Variants in PARP11 observed in about 807,000 individuals in gnomAD.
PARP11 encodes the protein poly(ADP-ribose) polymerase family member 11, also known as protein mono-ADP-ribosyltransferase PARP11.
A neutral mutation model predicts 42.9 loss-of-function variants in PARP11; 31 were observed. The observed-to-expected ratio is 0.72, with a 90% CI of 0.54 to 0.98. PARP11 has a LOEUF of 0.98. Ranked by LOEUF, PARP11 falls within the 50% of genes least tolerant of loss-of-function variation. The pLI is 0.00. For synonymous variants in PARP11, 137 were observed against 127.3 expected (o/e 1.08, Z -0.51); for missense variants, 365 against 413.1 (o/e 0.88, Z 1.01).
chr12:3,865,232 C>T (rs1948370252), intron 1 of PARP11, among the ~76,000 whole-genome samples: 1 of 152,116 alleles, frequency 6.6e-6, no homozygotes, highest in Non-Finnish European at 1.5e-5. Flanking sequence ...GACTTCAATT[C>T]TTTCAAATGT....
intron 3 of PARP11, 142 bp from the exon 4 acceptor site, chr12:3,826,375 A>G: frequency 3.8e-6 from 2 of 532,280 alleles, no homozygotes; most frequent in Non-Finnish European, 6.6e-6. Flanking sequence ...TATTATGGGT[A>G]CTTTACCATG....
Position 3,826,192 on chromosome 12 carries a change from T to C in PARP11, c.310A>G (p.Ile104Val), listed in dbSNP as rs749068267. The part of the protein sequence containing the change: ...MNLTTGKQRL[I>V]KRAPFSISAF... ...CTGATAGAAAAGGGGGCTCTTTTTA[T>C]TAAGCGCTGCTTTCCAGTGGTGAGA... Residue 104 changes from isoleucine to valine, a missense_variant, in exon 4 of 8, where the codon ATA (isoleucine) becomes GTA (valine). By Grantham distance (29) the Ile-to-Val change is conservative. Transcript: ENST00000228820. The C allele has an allele frequency of 1.2e-6, 2 of 1,600,374 alleles. No homozygotes were observed. The highest frequency in any genetic ancestry group is 1.8e-5 in the Admixed American group (1 of 55,936).
intron 1 of PARP11, among the ~76,000 whole-genome samples, chr12:3,870,699 AAC>A (rs1314701515): frequency 1.3e-5 from 2 of 152,210 alleles, no homozygotes; most frequent in African/African-American, 2.4e-5. Flanking sequence ...TAGGAAAAAT[AAC>A]AGAGAAAAAC....
At chr12:3,872,919 C>T in intron 1 of PARP11, 1 of 368,130 alleles carries the variant, frequency 2.7e-6, no homozygotes, top group Non-Finnish European at 3.8e-6. Context: ...GTGCGAGACT[C>T]CGTCTCAAAA....
rs1029211751 is a variant in PARP11 at position 3,839,913 on chromosome 12, A to C, written c.19-9895T>G. The C allele has an allele frequency of 1.6e-4, 176 of 1,080,868 alleles. No individual in the cohort carries two copies. The South Asian group carries it at 2.1e-3, about 13-fold the overall frequency. 67.0% of individuals were successfully genotyped at this position (1,080,868 alleles called of 1,614,324 possible). Reference sequence around the variant, plus strand: ...AAGACAACAGTGAAATATCAGATTCAGAGGATGACAGCTGCAAGAGTAAAA... The same window carrying C: ...AAGACAACAGTGAAATATCAGATTCCGAGGATGACAGCTGCAAGAGTAAAA... On this transcript the variant is annotated intron_variant, in intron 1 of 7. Transcript: ENST00000228820.
At chr12:3,854,183 G>A (rs1485345512) in intron 1 of PARP11, among the ~76,000 whole-genome samples, 2 of 152,110 alleles carry the variant, frequency 1.3e-5, no homozygotes, top group Non-Finnish European at 2.9e-5. Flanking sequence ...AGAGAAAGCA[G>A]GAAAGATCTA....
intron 1 of PARP11, among the ~76,000 whole-genome samples, chr12:3,857,902 T>C (rs1948220946): frequency 1.3e-5 from 2 of 152,308 alleles, no homozygotes; most frequent in Non-Finnish European, 2.9e-5. Context: ...AGGGTAAATA[T>C]AAAAATATAT....
chr12:3,850,646 T>G lies in PARP11; in HGVS notation c.19-20628A>C, dbSNP rs191487416. On this transcript the variant is annotated intron_variant, in intron 1 of 7. Transcript: ENST00000228820. Reference sequence around the variant, plus strand: ...CCAATATCTATGTGCATTACTGTGTTTTTTTCTTATTCTCTGCTCTGCAGT... The same window carrying G: ...CCAATATCTATGTGCATTACTGTGTGTTTTTCTTATTCTCTGCTCTGCAGT... Among the ~76,000 whole-genome samples, 42 of 152,292 alleles carry G rather than the reference T, an allele frequency of 2.8e-4. 1 individual carries two copies. Among genetic ancestry groups the G allele is most frequent in the Admixed American group, 1.1e-3 (17 of 15,300 alleles).
chr12:3,853,374 TG>T (rs1460894710), intron 1 of PARP11, among the ~76,000 whole-genome samples: 1 of 152,194 alleles, frequency 6.6e-6, no homozygotes, highest in African/African-American at 2.4e-5. Context: ...ATCAGTGTGC[TG>T]CATTCAGGAG....
At chr12:3,851,662 G>C (rs953850756) in intron 1 of PARP11, among the ~76,000 whole-genome samples, 2 of 152,234 alleles carry the variant, frequency 1.3e-5, no homozygotes, top group African/African-American at 4.8e-5. Flanking sequence ...TACCTCTGTA[G>C]ACTCCACCTC....
intron 1 of PARP11, among the ~76,000 whole-genome samples, chr12:3,868,647 C>T (rs1257967405): frequency 2.6e-5 from 4 of 152,290 alleles, no homozygotes; most frequent in African/African-American, 9.6e-5. Flanking sequence ...GCTGCCCATG[C>T]CAGAAAGCTA....
rs1947495038 is a variant in PARP11 at position 3,825,258 on chromosome 12, C to T, written c.344+900G>A. Reference sequence around the variant, plus strand: ...CACATGAATAATAAATATGTATTGTCTTCTGACATTTATACCTCCTTTTTC... The same window carrying T: ...CACATGAATAATAAATATGTATTGTTTTCTGACATTTATACCTCCTTTTTC... On this transcript the variant is annotated intron_variant, in intron 4 of 7. Coordinates refer to ENST00000228820, the MANE Select transcript of PARP11 (RefSeq NM_020367.6). 2.0e-5 allele frequency among the ~76,000 whole-genome samples: 3 copies of T among 152,126 alleles called. No individual in the cohort carries two copies. The South Asian group carries it at 6.2e-4, about 32-fold the overall frequency.
chr12:3,867,363 T>C (rs1948410787), intron 1 of PARP11, among the ~76,000 whole-genome samples: 1 of 152,192 alleles, frequency 6.6e-6, no homozygotes, highest in South Asian at 2.1e-4. Flanking sequence ...CCACGCAAGT[T>C]TGCTGGCTGT....
At chr12:3,844,086 C>G (rs1430889585) in intron 1 of PARP11, among the ~76,000 whole-genome samples, 1 of 152,136 alleles carries the variant, frequency 6.6e-6, no homozygotes, top group Non-Finnish European at 1.5e-5. Context: ...CAGTGAATCG[C>G]CACTGTACTG....
chr12:3,809,955 G>C lies in PARP11; in HGVS notation c.*2168C>G, dbSNP rs149180300. 1.2e-4 allele frequency: 18 copies of C among 152,306 alleles called. No individual in the cohort carries two copies. The highest frequency in any genetic ancestry group is 3.6e-4 in the African/African-American group (15 of 41,566). 9.4% of individuals were successfully genotyped at this position (152,306 alleles called of 1,614,324 possible). A position where few individuals can be genotyped will look rare whatever the true frequency, so the allele number is the denominator to read the frequency against. On this transcript the variant is annotated 3_prime_UTR_variant, in exon 8 of 8. Transcript: ENST00000228820. ...TGTTGCCACTTTGTTTCAAAGTATTGTACATGCAATGTCCTGGGTACTACT... is the reference window on the plus strand; with the variant it reads ...TGTTGCCACTTTGTTTCAAAGTATTCTACATGCAATGTCCTGGGTACTACT...
intron 1 of PARP11, among the ~76,000 whole-genome samples, chr12:3,848,812 C>T (rs1948044643): frequency 6.6e-6 from 1 of 151,772 alleles, no homozygotes; most frequent in Non-Finnish European, 1.5e-5. Flanking sequence ...GGAATTACAT[C>T]AAACTAAAAA....
chr12:3,857,398 T>A (rs2138107654), intron 1 of PARP11, among the ~76,000 whole-genome samples: 1 of 152,298 alleles, frequency 6.6e-6, no homozygotes, highest in African/African-American at 2.4e-5. Flanking sequence ...CTGATAAACA[T>A]CTGACACTAG....
At chr12:3,816,550 C>T (rs766035091) in intron 6 of PARP11, among the ~76,000 whole-genome samples, 1 of 152,228 alleles carries the variant, frequency 6.6e-6, no homozygotes, top group African/African-American at 2.4e-5. Context: ...TCTAAGGGGC[C>T]TATCCATCTA....
chr12:3,816,221 A>C (rs960673549), intron 6 of PARP11, among the ~76,000 whole-genome samples: 5 of 152,184 alleles, frequency 3.3e-5, no homozygotes, highest in African/African-American at 9.7e-5. Flanking sequence ...AGAAGATAAT[A>C]CTTGTTTTTA....
Sources: allele counts gnomAD v4.1 joint callset (sites outside exome capture counted in the v4.1 genomes callset), GRCh38; gene constraint gnomAD v4.1.1; transcripts MANE v1.5; gene names NCBI Gene and HGNC (gene_info 2026-07-23, HGNC 2026-07-21).